Variants in EYA2 observed in about 807,000 individuals in gnomAD.
The protein encoded by EYA2 is protein phosphatase EYA2.
Under a neutral mutation model 69.2 loss-of-function variants are expected in EYA2, and 31 were observed. That is an observed-to-expected ratio of 0.45 (90% CI 0.34 to 0.60). The LOEUF (loss-of-function observed/expected upper bound fraction) is 0.60, where lower values mean the gene tolerates loss of function less well. Ranked by LOEUF, EYA2 falls within the 20% of genes least tolerant of loss-of-function variation. The pLI is 0.02. For missense variants in EYA2, 622 were observed against 701.2 expected (o/e 0.89, Z 1.28); for synonymous variants, 257 against 279.4 (o/e 0.92, Z 0.80).
intron 4 of EYA2, among the ~76,000 whole-genome samples, chr20:47,010,383 C>A (rs570888507): frequency 2.6e-5 from 4 of 152,258 alleles, no homozygotes; most frequent in African/African-American, 9.6e-5. Context: ...GCCTCTCTCT[C>A]ATGTGGCCCT....
At chr20:46,983,521 C>T (rs1980974021) in intron 1 of EYA2, among the ~76,000 whole-genome samples, 1 of 152,138 alleles carries the variant, frequency 6.6e-6, no homozygotes, top group Non-Finnish European at 1.5e-5. Context: ...CAATTTTTGC[C>T]TTCCTGTAAT....
At chr20:47,095,800 A>G (rs74692597) in intron 8 of EYA2, 84 of 152,368 alleles carry the variant, frequency 5.5e-4, no homozygotes, top group African/African-American at 1.9e-3. Context: ...ATTACTTTCC[A>G]TGTACCATTT....
intron 1 of EYA2, among the ~76,000 whole-genome samples, chr20:46,940,397 T>C (rs1600563733): frequency 6.6e-6 from 1 of 152,268 alleles, no homozygotes; most frequent in East Asian, 1.9e-4. Flanking sequence ...TTGCTCAAGG[T>C]AACTCTGGTC....
At position 47,072,260 on chromosome 20, in the gene EYA2, T is replaced by G; in HGVS notation, c.483+8T>G. ...TTCGGGAGTGTGCACCAGGTAGACA[T>G]GGCTCCCTCCCGATTCTTTCCTCAG... On this transcript the variant is annotated splice_region_variant and intron_variant, in intron 6 of 15. Transcript: ENST00000327619. 1 of 1,608,638 alleles carries G rather than the reference T, an allele frequency of 6.2e-7. No homozygotes were observed.
intron 1 of EYA2, among the ~76,000 whole-genome samples, chr20:46,924,739 A>T (rs1985340870): frequency 6.6e-6 from 1 of 151,684 alleles, no homozygotes; most frequent in Admixed American, 6.6e-5. Context: ...AACCAGAATA[A>T]ACCCTTCTCT....
intron 5 of EYA2, among the ~76,000 whole-genome samples, chr20:47,021,542 G>A (rs190618241): frequency 1.6e-3 from 242 of 150,714 alleles, no homozygotes; most frequent in African/African-American, 5.4e-3. Context: ...CAGGAGAATC[G>A]CTTGAACCCG....
intron 10 of EYA2, among the ~76,000 whole-genome samples, chr20:47,156,117 CACACACACACATATATATATAT>C (rs2033929699): frequency 3.7e-5 from 1 of 27,348 alleles, no homozygotes; most frequent in African/African-American, 2.1e-4. Flanking sequence ...CACACACACA[CACACACACACATATATATATAT>C]ATATATATAT....
At chr20:47,017,613 A>G (rs905883725) in intron 5 of EYA2, among the ~76,000 whole-genome samples, 4 of 150,592 alleles carry the variant, frequency 2.7e-5, no homozygotes, top group Non-Finnish European at 5.9e-5. Flanking sequence ...GGTGATAAGC[A>G]TTCATGCCCA....
chr20:47,120,384 G>A (rs2146557002), intron 9 of EYA2, among the ~76,000 whole-genome samples: 1 of 152,176 alleles, frequency 6.6e-6, no homozygotes, highest in Middle Eastern at 3.4e-3. Flanking sequence ...TCAAAAAAAA[G>A]GGTTTATTTT....
At chr20:46,938,526 A>G (rs898793190) in intron 1 of EYA2, among the ~76,000 whole-genome samples, 2 of 152,082 alleles carry the variant, frequency 1.3e-5, no homozygotes, top group African/African-American at 2.4e-5. Context: ...CACATCAGGC[A>G]TGGTGGAGCT....
chr20:47,080,355 C>G (rs1288780022), intron 7 of EYA2, among the ~76,000 whole-genome samples: 1 of 150,576 alleles, frequency 6.6e-6, no homozygotes, highest in Non-Finnish European at 1.5e-5. Context: ...TAAAGGGAAA[C>G]TTACAGCACG....
chr20:46,910,248 G>A (rs1225064561), intron 1 of EYA2, among the ~76,000 whole-genome samples: 1 of 152,148 alleles, frequency 6.6e-6, no homozygotes, highest in Non-Finnish European at 1.5e-5. Flanking sequence ...AGACGAAGAG[G>A]AAGCAGGCAC....
Position 47,113,936 on chromosome 20 carries a change from C to G in EYA2, c.888+16768C>G, listed in dbSNP as rs1228759726. Among the ~76,000 whole-genome samples, 10 of 151,500 alleles carry G rather than the reference C, an allele frequency of 6.6e-5. No individual in the cohort carries two copies. In the South Asian group the frequency reaches 1.7e-3, roughly 25 times the overall value. Reference sequence around the variant, plus strand: ...TCTGGGGTTTCTTATTTAAATGGAACTAGGTGTCATTCAAAGTAGCAGTGG... The same window carrying G: ...TCTGGGGTTTCTTATTTAAATGGAAGTAGGTGTCATTCAAAGTAGCAGTGG... On this transcript the variant is annotated intron_variant, in intron 9 of 15. Coordinates refer to ENST00000327619, the MANE Select transcript of EYA2 (RefSeq NM_005244.5).
chr20:47,109,912 C>T (rs1030884565), intron 9 of EYA2, among the ~76,000 whole-genome samples: 1 of 152,172 alleles, frequency 6.6e-6, no homozygotes. Context: ...CCTCCGGGTC[C>T]ATAGTGCTGT....
intron 5 of EYA2, among the ~76,000 whole-genome samples, chr20:47,051,220 G>T (rs1393882106): frequency 6.6e-6 from 1 of 152,254 alleles, no homozygotes; most frequent in African/African-American, 2.4e-5. Flanking sequence ...CCATTGCAGT[G>T]TATGCACGGT....
chr20:47,108,587 T>C (rs1266693715), intron 9 of EYA2, among the ~76,000 whole-genome samples: 5 of 152,182 alleles, frequency 3.3e-5, no homozygotes. Context: ...TTTATTTATT[T>C]TAGAGACAGG....
chr20:46,925,187 TTAAC>T (rs1172098823), intron 1 of EYA2, among the ~76,000 whole-genome samples: 5 of 152,256 alleles, frequency 3.3e-5, no homozygotes, highest in African/African-American at 1.2e-4. Context: ...TGACCTCATC[TTAAC>T]TAATCACATC....
chr20:47,017,606 G>C (rs994406268), intron 5 of EYA2, among the ~76,000 whole-genome samples: 3 of 149,456 alleles, frequency 2.0e-5, no homozygotes, highest in African/African-American at 7.4e-5. Flanking sequence ...GAAAGCAGGT[G>C]ATAAGCATTC....
At chr20:46,967,300 C>T (rs1979850347) in intron 1 of EYA2, among the ~76,000 whole-genome samples, 1 of 152,226 alleles carries the variant, frequency 6.6e-6, no homozygotes. Flanking sequence ...CTGCACCTGG[C>T]CCACATCTCA....
Sources: gnomAD v4.1 joint callset for allele counts (sites outside exome capture counted in the v4.1 genomes callset) on GRCh38, gnomAD v4.1.1 for gene constraint, MANE v1.5 for transcripts, NCBI Gene and HGNC (gene_info 2026-07-23, HGNC 2026-07-21) for gene names.